NAA10: variants seen among roughly 807,000 people sequenced by gnomAD.
NAA10 encodes N-alpha-acetyltransferase 10, NatA catalytic subunit.
Under a neutral mutation model 19.2 loss-of-function variants are expected in NAA10, and 6 were observed. The observed-to-expected ratio is 0.31, with a 90% confidence interval of 0.17 to 0.62. NAA10 has a LOEUF of 0.62. Ranked by LOEUF, NAA10 falls within the 20% of genes least tolerant of loss-of-function variation. The probability of loss-of-function intolerance (pLI) is 0.83; values close to 1 mark genes in which losing one functional copy is unlikely to be tolerated. For synonymous variants in NAA10, 97 were observed against 79.9 expected, an observed-to-expected ratio of 1.21 and a Z score of -1.14; for missense variants, 101 against 198.4, an observed-to-expected ratio of 0.51 and a Z score of 2.95.
intron 7 of NAA10, 163 bp from the exon 8 acceptor site, chrX:153,930,386 A>G (rs1179593247): frequency 2.5e-5 from 13 of 513,995 alleles, no homozygotes; most frequent in Non-Finnish European, 4.1e-5. Flanking sequence ...CTGGAGCCCC[A>G]GTCCACCGCT....
chrX:153,929,895 A>T lies in NAA10; in HGVS notation c.*92T>A. The T allele has an allele frequency of 1.3e-6, 1 of 757,953 alleles. No homozygotes were observed. The highest frequency in any genetic ancestry group is 2.0e-6 in the Non-Finnish European group (1 of 489,086). The allele number at this position is 757,953 out of a possible 1,213,427, so 62.5% of individuals were successfully genotyped here. ...GAGGACCTGGAGAAACACACCCTCTAAATGTGCGCGCGCTCACACACAAAG... is the reference window on the plus strand; with the variant it reads ...GAGGACCTGGAGAAACACACCCTCTTAATGTGCGCGCGCTCACACACAAAG... On this transcript the variant is annotated 3_prime_UTR_variant, in exon 8 of 8. Transcript: ENST00000464845.
chrX:153,934,655 C>G (rs782740183), intron 1 of NAA10, 180 bp from the exon 2 acceptor site: 2 of 561,679 alleles, frequency 3.6e-6, no homozygotes, highest in Admixed American at 5.6e-5. Flanking sequence ...CCGGAGGTCC[C>G]CGGAGCCCAC....
chrX:153,931,079 C>T, intron 6 of NAA10: 1 of 1,105,972 alleles, frequency 9.0e-7, no homozygotes, highest in Non-Finnish European at 1.2e-6. Flanking sequence ...AGCCTGGATA[C>T]TAAGGATCCA....
chrX:153,929,689 T>C lies in NAA10; in HGVS notation c.*298A>G. On this transcript the variant is annotated 3_prime_UTR_variant, in exon 8 of 8. Coordinates refer to ENST00000464845, the MANE Select transcript of NAA10 (RefSeq NM_003491.4). ...GCCCCGGCTTGTGCCACAAAACACA[T>C]TCAGCGTGGCCAAGCAGACCTCCAA... 2.7e-6 allele frequency: 1 copy of C among 369,114 alleles called. No individual in the cohort carries two copies. The highest frequency in any genetic ancestry group is 4.3e-5 in the South Asian group (1 of 23,159). 30.4% of individuals were successfully genotyped at this position (369,114 alleles called of 1,213,427 possible).
chrX:153,934,984 C>A lies in NAA10; in HGVS notation c.-80G>T. 1 of 893,881 alleles carries A rather than the reference C, an allele frequency of 1.1e-6. No individual in the cohort carries two copies. Among genetic ancestry groups the A allele is most frequent in the South Asian group, 4.1e-5 (1 of 24,630 alleles). 73.7% of individuals were successfully genotyped at this position (893,881 alleles called of 1,213,427 possible). A position where few individuals can be genotyped will look rare whatever the true frequency, so the allele number is the denominator to read the frequency against. On this transcript the variant is annotated 5_prime_UTR_variant, in exon 1 of 8. Coordinates refer to ENST00000464845, the MANE Select transcript of NAA10 (RefSeq NM_003491.4). ...GCCGCGCTCCGAAGCGACGCCGGGA[C>A]GGCCGGGGCTGGGACCGGAGCTGGG...
chrX:153,933,605 G>A (rs1198264391), intron 3 of NAA10: 2 of 141,679 alleles, frequency 1.4e-5, no homozygotes, highest in African/African-American at 6.3e-5. Flanking sequence ...CCAGGGGGTG[G>A]AGGTTGCAGT....
chrX:153,930,668 G>T, intron 7 of NAA10, 95 bp downstream of exon 7: 1 of 932,444 alleles, frequency 1.1e-6, no homozygotes, highest in Non-Finnish European at 1.5e-6. Context: ...AGCCACAAGA[G>T]CTGGCATCCA....
In NAA10 at chrX:153,933,707, C is replaced by G. The variant is rs147789452; in HGVS notation, c.179+236G>C. Reference sequence around the variant, plus strand: ...AGTAATAATAATAATAGTAACATATCACATTCATTTATCACTTGTCACAAG... The same window carrying G: ...AGTAATAATAATAATAGTAACATATGACATTCATTTATCACTTGTCACAAG... On this transcript the variant is annotated intron_variant, in intron 3 of 7. Transcript: ENST00000464845. The G allele has an allele frequency of 0.012, 4,450 of 356,882 alleles. 166 individuals are homozygous for G. The highest frequency in any genetic ancestry group is 0.1 in the African/African-American group (3,933 of 38,530). The allele number at this position is 356,882 out of a possible 1,213,427, so 29.4% of individuals were successfully genotyped here.
chrX:153,931,483 G>T (rs782312469), intron 6 of NAA10: 57 of 803,019 alleles, frequency 7.1e-5, no homozygotes, highest in Non-Finnish European at 8.2e-5. Context: ...GCTGAGTGCA[G>T]TTAGTGTCCC....
At chrX:153,934,547 C>T (rs914106973) in intron 1 of NAA10, 72 bp from the exon 2 acceptor site, 16 of 863,871 alleles carry the variant, frequency 1.9e-5, no homozygotes, top group South Asian at 6.4e-5. Context: ...AGCCTGCTCC[C>T]CGTCGGTCTG....
intron 6 of NAA10, chrX:153,931,567 G>T: frequency 1.2e-6 from 1 of 814,155 alleles, no homozygotes; most frequent in East Asian, 1.0e-4. Flanking sequence ...CAACTGCCAG[G>T]TTCTCTCTAG....
At chrX:153,931,431 G>A (rs1369270584) in intron 6 of NAA10, 5 of 810,844 alleles carry the variant, frequency 6.2e-6, no homozygotes, top group Admixed American at 6.9e-5. Flanking sequence ...AGAGGCCACC[G>A]CCCTTCCCAA....
chrX:153,934,332 T>C, intron 2 of NAA10, 45 bp downstream of exon 2: 1 of 1,066,520 alleles, frequency 9.4e-7, no homozygotes, highest in Non-Finnish European at 1.3e-6. Context: ...GATGGGATTT[T>C]CCTCGGCCTG....
At chrX:153,930,907 C>T in intron 6 of NAA10, 60 bp from the exon 7 acceptor site, 3 of 1,211,177 alleles carry the variant, frequency 2.5e-6, no homozygotes, top group South Asian at 3.5e-5. Context: ...CACCCTCCTC[C>T]ACTCCTGGTA....
chrX:153,932,186 C>A (rs1603290318), intron 5 of NAA10, 71 bp from the exon 6 acceptor site: 1 of 1,186,378 alleles, frequency 8.4e-7, no homozygotes, highest in Non-Finnish European at 1.1e-6. Context: ...CAGGTCTTGC[C>A]CCTCCTCCTG....
chrX:153,931,888 C>T (rs1207281844), intron 6 of NAA10, 183 bp downstream of exon 6: 6 of 1,135,654 alleles, frequency 5.3e-6, no homozygotes, highest in South Asian at 4.2e-5. Context: ...GTCTCCATGC[C>T]GGCTTTTCAA....
intron 6 of NAA10, chrX:153,931,766 C>T: frequency 9.7e-7 from 1 of 1,034,967 alleles, no homozygotes; most frequent in Admixed American, 4.1e-5. Context: ...ACCCACACCT[C>T]TCTATTCCCA....
chrX:153,932,048 T>A, intron 6 of NAA10, 23 bp downstream of exon 6: 1 of 1,211,337 alleles, frequency 8.3e-7, no homozygotes, highest in Non-Finnish European at 1.1e-6. Flanking sequence ...CCCAGCCCAT[T>A]AGAAAAATCG....
intron 6 of NAA10, 113 bp from the exon 7 acceptor site, chrX:153,930,960 C>A: frequency 8.3e-7 from 1 of 1,203,621 alleles, no homozygotes. Flanking sequence ...TCCCTGAAGG[C>A]TCCATCCTGA....
Sources: allele counts gnomAD v4.1 joint callset, GRCh38; gene constraint gnomAD v4.1.1; transcripts MANE v1.5; gene names NCBI Gene and HGNC (gene_info 2026-07-23, HGNC 2026-07-21).